Variants in DYSF observed in about 807,000 individuals in gnomAD.
DYSF encodes dysferlin.
In DYSF, 212 loss-of-function variants were observed where a neutral mutation model predicts 274.9. The observed-to-expected ratio is 0.77, with a 90% confidence interval of 0.69 to 0.86. The LOEUF (loss-of-function observed/expected upper bound fraction) is 0.86. Among genes scored for constraint, DYSF ranks in the 40% least tolerant of loss-of-function variants. The pLI is 0.00. For synonymous variants in DYSF, 1,091 were observed against 1,078.7 expected (o/e 1.01, Z -0.22); for missense variants, 2,666 against 2,783.2 (o/e 0.96, Z 0.95).
At chr2:71,469,041 T>C (rs1354816185) in intron 1 of DYSF, among the ~76,000 whole-genome samples, 1 of 152,116 alleles carries the variant, frequency 6.6e-6, no homozygotes, top group Non-Finnish European at 1.5e-5. Flanking sequence ...GATTCCAGAG[T>C]CCCCATCTGT....
Position 71,515,300 on chromosome 2 carries a change from A to T in DYSF, c.760-323A>T, listed in dbSNP as rs899461060. ...CAAGCCACTTAAAAATGCCAGTATCAATGGGGTCTCGGGTGGGGCTTGTGC... is the reference window on the plus strand; with the variant it reads ...CAAGCCACTTAAAAATGCCAGTATCTATGGGGTCTCGGGTGGGGCTTGTGC... On this transcript the variant is annotated intron_variant, in intron 7 of 55. Transcript: ENST00000410020. 1.8e-4 allele frequency among the ~76,000 whole-genome samples: 27 copies of T among 152,184 alleles called. 1 individual carries two copies. The highest frequency in any genetic ancestry group is 5.3e-4 in the African/African-American group (22 of 41,444).
intron 41 of DYSF, among the ~76,000 whole-genome samples, chr2:71,637,859 C>T (rs999067265): frequency 6.6e-5 from 10 of 152,034 alleles, no homozygotes; most frequent in Non-Finnish European, 1.3e-4. Flanking sequence ...AGGTGCAGGC[C>T]ATTGATTAGA....
upstream of DYSF, among the ~76,000 whole-genome samples, chr2:71,463,977 G>A (rs1204177823): frequency 1.3e-5 from 2 of 152,176 alleles, no homozygotes; most frequent in Admixed American, 1.3e-4. Flanking sequence ...GAGCTGGGAG[G>A]AAGCAGCAAG....
At chr2:71,481,472 G>A (rs980178772) in intron 2 of DYSF, among the ~76,000 whole-genome samples, 1 of 152,232 alleles carries the variant, frequency 6.6e-6, no homozygotes, top group Non-Finnish European at 1.5e-5. Flanking sequence ...GCACTAACTC[G>A]TGCTGCCTAC....
At chr2:71,507,594 A>G (rs1324960585) in intron 4 of DYSF, among the ~76,000 whole-genome samples, 1 of 152,200 alleles carries the variant, frequency 6.6e-6, no homozygotes, top group Non-Finnish European at 1.5e-5. Flanking sequence ...GCAGGTGCCC[A>G]ACACACAGGC....
At chr2:71,514,667 C>CA (rs1404919564) in intron 7 of DYSF, among the ~76,000 whole-genome samples, 1 of 152,052 alleles carries the variant, frequency 6.6e-6, no homozygotes, top group African/African-American at 2.4e-5. Context: ...AGGTTAAAAG[C>CA]AAGAATCTTA....
At chr2:71,649,634 T>C (rs561339594) in intron 42 of DYSF, among the ~76,000 whole-genome samples, 20 of 152,086 alleles carry the variant, frequency 1.3e-4, no homozygotes, top group African/African-American at 4.8e-4. Flanking sequence ...AACTGTCACA[T>C]GCACCACTCC....
intron 17 of DYSF, 107 bp from the exon 18 acceptor site, chr2:71,550,934 G>A (rs534825349): frequency 2.4e-5 from 21 of 877,722 alleles, no homozygotes; most frequent in East Asian, 1.7e-4. Context: ...TGGTGCATGT[G>A]GGGGGGAACT....
intron 3 of DYSF, among the ~76,000 whole-genome samples, chr2:71,501,905 A>G (rs552048555): frequency 1.3e-5 from 2 of 152,272 alleles, no homozygotes; most frequent in Admixed American, 1.3e-4. Flanking sequence ...TTTTGGGGGT[A>G]TATAACTAGA....
chr2:71,491,083 G>C (rs2083813600), intron 3 of DYSF, among the ~76,000 whole-genome samples: 1 of 152,074 alleles, frequency 6.6e-6, no homozygotes, highest in Non-Finnish European at 1.5e-5. Flanking sequence ...ATGCAATAAA[G>C]TGCCTGCTAA....
Position 71,456,860 on chromosome 2 carries a change from A to G in DYSF, c.88+2774A>G, listed in dbSNP as rs181782642. ...GAAAGTGCTCTGGAGAGCATACCAT[A>G]TGCTGCCCACACCCAGGGCACCAGG... is the stretch of plus-strand genomic sequence containing the variant. On this transcript the variant is annotated intron_variant, in intron 1 of 54. Transcript: ENST00000258104. Among the ~76,000 whole-genome samples, 898 of 152,094 alleles carry G rather than the reference A, an allele frequency of 5.9e-3. 9 individuals are homozygous for G. Among genetic ancestry groups the G allele is most frequent in the African/African-American group, 0.019 (807 of 41,468 alleles).
At chr2:71,457,957 T>G (rs1026269791) in intron 1 of DYSF, among the ~76,000 whole-genome samples, 2 of 152,072 alleles carry the variant, frequency 1.3e-5, no homozygotes, top group African/African-American at 4.8e-5. Flanking sequence ...GGCGGGGGGC[T>G]CAGAAGAGCG....
chr2:71,470,497 C>A (rs547699169), intron 1 of DYSF, among the ~76,000 whole-genome samples: 20 of 151,750 alleles, frequency 1.3e-4, no homozygotes, highest in African/African-American at 4.6e-4. Flanking sequence ...ATGGTGAAAC[C>A]CTGTCTCTAC....
At chr2:71,519,955 G>A (rs1162642410) in intron 10 of DYSF, among the ~76,000 whole-genome samples, 1 of 151,566 alleles carries the variant, frequency 6.6e-6, no homozygotes, top group Admixed American at 6.6e-5. Context: ...GAGCCACCAC[G>A]CCCAGCCTCC....
At chr2:71,602,938 ATTTTATTCCCCATGCT>A in intron 36 of DYSF, 133 bp downstream of exon 36, 1 of 1,086,782 alleles carries the variant, frequency 9.2e-7, no homozygotes, top group African/African-American at 1.5e-5. Context: ...ACCTGTCTGG[ATTTTATTCCCCATGCT>A]GTGTGTGGAT....
At chr2:71,633,698 A>G (rs574816614) in intron 41 of DYSF, among the ~76,000 whole-genome samples, 9 of 152,292 alleles carry the variant, frequency 5.9e-5, no homozygotes, top group African/African-American at 1.7e-4. Flanking sequence ...ATAATAGACC[A>G]CATTTTTTTT....
chr2:71,619,328 A>G (rs902391540), intron 40 of DYSF, among the ~76,000 whole-genome samples: 2 of 151,982 alleles, frequency 1.3e-5, no homozygotes, highest in Non-Finnish European at 2.9e-5. Flanking sequence ...AGCCCTGGCT[A>G]GGTGCCCAAG....
At chr2:71,460,767 C>G (rs2081249722) in intron 1 of DYSF, among the ~76,000 whole-genome samples, 2 of 151,838 alleles carry the variant, frequency 1.3e-5, no homozygotes, top group South Asian at 4.2e-4. Flanking sequence ...GACCCTTTTC[C>G]TTGGATGCAA....
At chr2:71,553,263 C>T in intron 20 of DYSF, 75 bp downstream of exon 20, 2 of 1,600,220 alleles carry the variant, frequency 1.2e-6, no homozygotes, top group South Asian at 1.1e-5. Flanking sequence ...ATCCCGCCTC[C>T]CATGGAAAGC....
Sources: gnomAD v4.1 joint callset for allele counts (sites outside exome capture counted in the v4.1 genomes callset) on GRCh38, gnomAD v4.1.1 for gene constraint, MANE v1.5 for transcripts, NCBI Gene and HGNC (gene_info 2026-07-23, HGNC 2026-07-21) for gene names.